The following FER variants were observed in gnomAD, a reference collection of about 807,000 sequenced individuals.
The protein encoded by FER is FER tyrosine kinase, also known as tyrosine-protein kinase Fer.
In FER, 63 loss-of-function variants were observed where a neutral mutation model predicts 111.0. The observed-to-expected ratio is 0.57, with a 90% CI of 0.46 to 0.70. The LOEUF is 0.70. Ranked by LOEUF, FER falls within the 30% of genes least tolerant of loss-of-function variation. The pLI is 0.00. For missense variants in FER, 914 were observed against 954.0 expected (o/e 0.96, Z 0.55); for synonymous variants, 327 against 313.9 (o/e 1.04, Z -0.44).
intron 3 of FER, among the ~76,000 whole-genome samples, chr5:108,805,964 A>G (rs1479857874): frequency 6.6e-6 from 1 of 152,290 alleles, no homozygotes; most frequent in African/African-American, 2.4e-5. Context: ...CACCAAGACA[A>G]TGGCAAAAAT....
chr5:109,020,892 C>G lies in FER; in HGVS notation c.1657-16530C>G, dbSNP rs556841762. 1.3e-4 allele frequency among the ~76,000 whole-genome samples: 19 copies of G among 151,864 alleles called. No individual in the cohort carries two copies. The South Asian group carries it at 4.0e-3, about 32-fold the overall frequency. On this transcript the variant is annotated intron_variant, in intron 13 of 19. Transcript: ENST00000281092. Reference sequence around the variant, plus strand: ...ATCGTTTTGAAATTTTCTAAATGGTCCTGTTTGATTTGGGTCTGATTTGAA... The same window carrying G: ...ATCGTTTTGAAATTTTCTAAATGGTGCTGTTTGATTTGGGTCTGATTTGAA...
intron 13 of FER, among the ~76,000 whole-genome samples, chr5:109,036,054 T>C (rs983067339): frequency 1.3e-5 from 2 of 152,212 alleles, no homozygotes; most frequent in Admixed American, 1.3e-4. Flanking sequence ...ACAAATGCTT[T>C]ATCAGATAGA....
intron 10 of FER, among the ~76,000 whole-genome samples, chr5:108,935,268 C>G (rs949734826): frequency 1.3e-5 from 2 of 152,058 alleles, no homozygotes; most frequent in African/African-American, 2.4e-5. Context: ...GAGAATTGTT[C>G]CCTGCCTCTA....
At chr5:109,029,243 AC>A (rs1157608138) in intron 13 of FER, among the ~76,000 whole-genome samples, 3 of 75,740 alleles carry the variant, frequency 4.0e-5, no homozygotes, top group East Asian at 6.9e-4. Context: ...TTTTCTTCTT[AC>A]CTTTTTTTTT....
At chr5:108,764,317 A>AT (rs1752074507) in intron 1 of FER, among the ~76,000 whole-genome samples, 2 of 152,208 alleles carry the variant, frequency 1.3e-5, no homozygotes, top group South Asian at 4.1e-4. Context: ...TACTTCATTT[A>AT]TTTTTTACCT....
rs1043692393 is a variant in FER at position 108,911,095 on chromosome 5, A to G, written c.1236+13247A>G. ...TAATTTACATTCCCACCAACAGTGC[A>G]TAACATTTTCTTTTCACCACATCCG... is the stretch of plus-strand genomic sequence containing the variant. On this transcript the variant is annotated intron_variant, in intron 10 of 19. Transcript: ENST00000281092. 4.6e-5 allele frequency among the ~76,000 whole-genome samples: 7 copies of G among 152,164 alleles called. No individual in the cohort carries two copies. The East Asian group carries it at 1.3e-3, about 29-fold the overall frequency.
In FER at chr5:109,079,384, G is replaced by A. The variant is rs558815608; in HGVS notation, c.1925-21012G>A. Among the ~76,000 whole-genome samples the A allele has an allele frequency of 3.3e-5, 5 of 152,204 alleles. No individual in the cohort carries two copies. In the South Asian group the frequency reaches 1.0e-3, roughly 32 times the overall value. On this transcript the variant is annotated intron_variant, in intron 16 of 19. Coordinates refer to ENST00000281092, the MANE Select transcript of FER (RefSeq NM_005246.4). Reference sequence around the variant, plus strand: ...TCTGTTGGAAAGTGGGAGATACTGGGAAGCAATTGAAGGCTTGTTTGACAT... The same window carrying A: ...TCTGTTGGAAAGTGGGAGATACTGGAAAGCAATTGAAGGCTTGTTTGACAT...
At chr5:109,092,957 C>T (rs1561885096) in intron 16 of FER, among the ~76,000 whole-genome samples, 3 of 152,096 alleles carry the variant, frequency 2.0e-5, no homozygotes, top group African/African-American at 7.2e-5. Context: ...AATGCTACAA[C>T]ATAGATAAAC....
chr5:108,866,460 A>C (rs1273549897), intron 5 of FER, among the ~76,000 whole-genome samples: 2 of 152,174 alleles, frequency 1.3e-5, no homozygotes, highest in Admixed American at 6.5e-5. Context: ...GGGGAGTGAT[A>C]GCCTTAGGAG....
intron 13 of FER, among the ~76,000 whole-genome samples, chr5:108,969,414 A>C (rs561848507): frequency 5.7e-4 from 87 of 152,124 alleles, no homozygotes; most frequent in Admixed American, 1.4e-3. Context: ...CTAAGCTGCA[A>C]ACAGTTTAGG....
At chr5:108,869,801 C>G (rs916804479) in intron 6 of FER, among the ~76,000 whole-genome samples, 1 of 152,060 alleles carries the variant, frequency 6.6e-6, no homozygotes, top group Non-Finnish European at 1.5e-5. Flanking sequence ...CTCTGCTTGA[C>G]TGACTTTTAC....
chr5:109,008,242 A>G (rs1765749145), intron 13 of FER, among the ~76,000 whole-genome samples: 1 of 152,238 alleles, frequency 6.6e-6, no homozygotes, highest in South Asian at 2.1e-4. Flanking sequence ...AAATGACATA[A>G]TGGTAATTAT....
intron 17 of FER, among the ~76,000 whole-genome samples, chr5:109,104,067 A>T (rs1243575623): frequency 6.6e-6 from 1 of 152,198 alleles, no homozygotes; most frequent in African/African-American, 2.4e-5. Flanking sequence ...ATCAGAAAAG[A>T]TATATTTTGG....
chr5:109,063,008 A>T (rs555495352), intron 16 of FER, among the ~76,000 whole-genome samples: 1 of 152,206 alleles, frequency 6.6e-6, no homozygotes, highest in South Asian at 2.1e-4. Context: ...CCTCTGTAAC[A>T]TGACATTTTA....
At chr5:109,005,225 T>A (rs1374513876) in intron 13 of FER, among the ~76,000 whole-genome samples, 1 of 152,066 alleles carries the variant, frequency 6.6e-6, no homozygotes, top group Non-Finnish European at 1.5e-5. Flanking sequence ...CATGCTGGAA[T>A]CTAACTGGAG....
intron 17 of FER, among the ~76,000 whole-genome samples, chr5:109,163,306 T>A (rs1756195208): frequency 6.6e-6 from 1 of 152,146 alleles, no homozygotes; most frequent in Non-Finnish European, 1.5e-5. Context: ...AACAGGTGGG[T>A]TATTTCCAGT....
chr5:109,015,904 T>C (rs2149815649), intron 13 of FER, among the ~76,000 whole-genome samples: 1 of 152,122 alleles, frequency 6.6e-6, no homozygotes, highest in African/African-American at 2.4e-5. Context: ...CTTTAATGTT[T>C]GAACCACTAT....
At chr5:108,907,276 A>G (rs1750916952) in intron 10 of FER, among the ~76,000 whole-genome samples, 4 of 150,964 alleles carry the variant, frequency 2.6e-5, no homozygotes, top group Admixed American at 6.6e-5. Flanking sequence ...ATTAAACACA[A>G]TTAGCCAACT....
chr5:108,828,645 CT>C (rs1385613662), intron 3 of FER, among the ~76,000 whole-genome samples: 3 of 152,012 alleles, frequency 2.0e-5, no homozygotes, highest in South Asian at 2.1e-4. Context: ...GGTATTTTTA[CT>C]TTTTAATATT....
Sources: allele counts gnomAD v4.1 joint callset (sites outside exome capture counted in the v4.1 genomes callset), GRCh38; gene constraint gnomAD v4.1.1; transcripts MANE v1.5; gene names NCBI Gene and HGNC (gene_info 2026-07-23, HGNC 2026-07-21).